Variants in SLC9A1 observed in about 807,000 individuals in gnomAD.
SLC9A1 encodes the protein sodium/hydrogen exchanger 1.
SLC9A1 carries 22 observed loss-of-function variants against 67.9 expected under a neutral mutation model. The ratio of observed to expected loss-of-function variants is 0.32; its 90% CI spans 0.23 to 0.46. The LOEUF is 0.46. SLC9A1 is among the 20% of genes least tolerant of loss of function. The pLI is 1.00. For synonymous variants in SLC9A1, 421 were observed against 471.8 expected (o/e 0.89, Z 1.40); for missense variants, 686 against 1,094.8 (o/e 0.63, Z 5.27).
chr1:27,105,633 A>G (rs772226010), intron 5 of SLC9A1: 6 of 683,228 alleles, frequency 8.8e-6, no homozygotes, highest in African/African-American at 1.8e-5. Context: ...TGAGTTCCAA[A>G]TTAAGTTGGG....
chr1:27,146,131 G>A (rs1198017409), intron 1 of SLC9A1, among the ~76,000 whole-genome samples: 5 of 152,126 alleles, frequency 3.3e-5, no homozygotes, highest in African/African-American at 9.7e-5. Flanking sequence ...CCACACAGGC[G>A]ATGGATGACT....
At chr1:27,121,523 G>T (rs2083304526) in intron 1 of SLC9A1, among the ~76,000 whole-genome samples, 1 of 152,194 alleles carries the variant, frequency 6.6e-6, no homozygotes, top group African/African-American at 2.4e-5. Flanking sequence ...AGGCAGGCTG[G>T]GGGGCCTGGG....
intron 2 of SLC9A1, among the ~76,000 whole-genome samples, chr1:27,111,620 A>T (rs1028235153): frequency 3.3e-5 from 5 of 149,984 alleles, no homozygotes; most frequent in African/African-American, 1.2e-4. Flanking sequence ...ACATAATGAG[A>T]CCCCATATCT....
At chr1:27,127,626 G>C (rs2083354644) in intron 1 of SLC9A1, among the ~76,000 whole-genome samples, 1 of 152,200 alleles carries the variant, frequency 6.6e-6, no homozygotes, top group Admixed American at 6.5e-5. Flanking sequence ...CTGGCCTGGG[G>C]AACAACATGA....
At chr1:27,140,741 T>A (rs898451416) in intron 1 of SLC9A1, among the ~76,000 whole-genome samples, 1 of 152,204 alleles carries the variant, frequency 6.6e-6, no homozygotes, top group African/African-American at 2.4e-5. Context: ...CAAGTTGTCA[T>A]ACAAAATCAC....
chr1:27,133,109 C>T (rs2083397194), intron 1 of SLC9A1, among the ~76,000 whole-genome samples: 1 of 151,938 alleles, frequency 6.6e-6, no homozygotes, highest in Non-Finnish European at 1.5e-5. Flanking sequence ...ACTCTCTTGC[C>T]CAGGCTGGAG....
intron 1 of SLC9A1, among the ~76,000 whole-genome samples, chr1:27,148,702 A>G (rs1036469588): frequency 1.1e-4 from 16 of 152,190 alleles, no homozygotes; most frequent in Non-Finnish European, 2.2e-4. Flanking sequence ...TGCTTTGGAA[A>G]CAAATTTCAG....
intron 1 of SLC9A1, among the ~76,000 whole-genome samples, chr1:27,141,549 C>A (rs1188314554): frequency 6.6e-6 from 1 of 152,248 alleles, no homozygotes; most frequent in Non-Finnish European, 1.5e-5. Flanking sequence ...CACCTCTAAA[C>A]TCCCGTAGAA....
intron 1 of SLC9A1, among the ~76,000 whole-genome samples, chr1:27,115,136 C>T (rs2083256166): frequency 6.6e-6 from 1 of 152,132 alleles, no homozygotes; most frequent in Non-Finnish European, 1.5e-5. Context: ...GGTCTGATGC[C>T]CCAGTTCCCA....
At chr1:27,119,318 G>A (rs2083291484) in intron 1 of SLC9A1, among the ~76,000 whole-genome samples, 1 of 152,090 alleles carries the variant, frequency 6.6e-6, no homozygotes, top group African/African-American at 2.4e-5. Context: ...GAAGTCAGAG[G>A]GGAGTGCTGG....
chr1:27,154,091 C>T lies in SLC9A1; in HGVS notation c.244G>A (p.Gly82Ser), dbSNP rs1199651033. Residue 82 changes from glycine (G) to serine (S), a missense_variant, in exon 1 of 12, where the codon GGC (glycine) becomes AGC (serine). Gly to Ser is a moderately conservative substitution (Grantham distance 56, BLOSUM62 0). Transcript: ENST00000263980. Reference protein sequence around the residue: ...RPVNHSVTDHGMKPRKAFPVL... With the variant: ...RPVNHSVTDHSMKPRKAFPVL... Reference sequence around the variant, plus strand: ...GGAAAGGCCTTGCGCGGCTTCATGCCATGATCAGTGACGGAATGATTAACA... The same window carrying T: ...GGAAAGGCCTTGCGCGGCTTCATGCTATGATCAGTGACGGAATGATTAACA... 1 of 1,613,978 alleles carries T rather than the reference C, an allele frequency of 6.2e-7. No homozygotes were observed. The highest frequency in any genetic ancestry group is 8.5e-7 in the Non-Finnish European group (1 of 1,179,928).
intron 1 of SLC9A1, among the ~76,000 whole-genome samples, chr1:27,147,955 T>C (rs1483895329): frequency 1.3e-5 from 2 of 151,160 alleles, no homozygotes; most frequent in Non-Finnish European, 3.0e-5. Context: ...GATTGCACTA[T>C]TGCACTCCAG....
chr1:27,112,224 C>T (rs1232557155), intron 2 of SLC9A1, among the ~76,000 whole-genome samples: 1 of 152,188 alleles, frequency 6.6e-6, no homozygotes, highest in South Asian at 2.1e-4. Flanking sequence ...CTGCTCAGGT[C>T]AGGCTATTCT....
At chr1:27,153,651 G>A (rs1227651232) in intron 1 of SLC9A1, among the ~76,000 whole-genome samples, 1 of 152,226 alleles carries the variant, frequency 6.6e-6, no homozygotes, top group African/African-American at 2.4e-5. Flanking sequence ...ACACACAGCG[G>A]GGTGCCTGGC....
chr1:27,099,621 T>C lies in SLC9A1; in HGVS notation c.*686A>G, dbSNP rs2083124728. 6.5e-6 allele frequency: 1 copy of C among 152,758 alleles called. No homozygotes were observed. The highest frequency in any genetic ancestry group is 2.1e-4 in the South Asian group (1 of 4,832). 9.5% of individuals were successfully genotyped at this position (152,758 alleles called of 1,614,324 possible). On this transcript the variant is annotated 3_prime_UTR_variant, in exon 12 of 12. Coordinates refer to ENST00000263980, the MANE Select transcript of SLC9A1 (RefSeq NM_003047.5). ...CTGGAGCCACGGCCAGTCCTTCCCCTAGCAGCTTCCCCTGAGGGGCCCAGT... is the reference window on the plus strand; with the variant it reads ...CTGGAGCCACGGCCAGTCCTTCCCCCAGCAGCTTCCCCTGAGGGGCCCAGT...
At position 27,101,418 on chromosome 1, in the gene SLC9A1, C is replaced by A. The variant is rs926433469; in HGVS notation, c.2038-143G>T. 3 of 677,036 alleles carry A rather than the reference C, an allele frequency of 4.4e-6. No individual in the cohort carries two copies. The highest frequency in any genetic ancestry group is 7.8e-6 in the Non-Finnish European group (3 of 385,694). The allele number at this position is 677,036 out of a possible 1,614,324, so 41.9% of individuals were successfully genotyped here. The stretch of plus-strand genomic sequence containing the variant: ...CCTTGTGCCTGTGTGGGCACCCGTA[C>A]TGGCCCCTCAGGAGCTCCTAAGGGC... On this transcript the variant is annotated intron_variant, in intron 10 of 11. Transcript: ENST00000263980. This position sits in a 1 kb window ranked among gnomAD's most constrained non-coding sequence, Gnocchi z 4.9.
At chr1:27,103,178 C>G in intron 6 of SLC9A1, 45 bp downstream of exon 6, 1 of 1,390,868 alleles carries the variant, frequency 7.2e-7, no homozygotes, top group African/African-American at 1.4e-5. Context: ...CCCTATCTCC[C>G]TGTTCCTCCT....
chr1:27,101,665 T>C lies in SLC9A1; in HGVS notation c.2037+60A>G. 1 of 1,202,742 alleles carries C rather than the reference T, an allele frequency of 8.3e-7. No individual in the cohort carries two copies. The highest frequency in any genetic ancestry group is 1.2e-6 in the Non-Finnish European group (1 of 822,202). The allele number at this position is 1,202,742 out of a possible 1,614,324, so 74.5% of individuals were successfully genotyped here. A position where few individuals can be genotyped will look rare whatever the true frequency, so the allele number is the denominator to read the frequency against. On this transcript the variant is annotated intron_variant, in intron 10 of 11. Transcript: ENST00000263980. The surrounding 1 kb of genome is among the most constrained non-coding windows in gnomAD (Gnocchi z 4.9). ...AGAATGGGTACATTTCCTTAGAGGCTGTGGCGGAGCTTGGGCGAGTGGGGT... is the reference window on the plus strand; with the variant it reads ...AGAATGGGTACATTTCCTTAGAGGCCGTGGCGGAGCTTGGGCGAGTGGGGT...
intron 1 of SLC9A1, among the ~76,000 whole-genome samples, chr1:27,127,077 T>C (rs571376506): frequency 2.4e-4 from 36 of 152,352 alleles, no homozygotes; most frequent in African/African-American, 8.2e-4. Context: ...CATGGCTCAC[T>C]GCAGCCTTGA....
Sources: allele counts gnomAD v4.1 joint callset (sites outside exome capture counted in the v4.1 genomes callset), GRCh38; gene constraint gnomAD v4.1.1; non-coding constraint Gnocchi (gnomAD v3.1); transcripts MANE v1.5; gene names NCBI Gene and HGNC (gene_info 2026-07-23, HGNC 2026-07-21).